Variants in SLC35F5 observed in about 807,000 individuals in gnomAD.
The protein encoded by SLC35F5 is solute carrier family 35 member F5, also known as HCV NS5A-transactivated protein 3.
In SLC35F5, 54 loss-of-function variants were observed where a neutral mutation model predicts 68.6. The ratio of observed to expected loss-of-function variants is 0.79; its 90% CI spans 0.63 to 0.99. The LOEUF (loss-of-function observed/expected upper bound fraction) is 0.99. Ranked by LOEUF, SLC35F5 falls within the 50% of genes least tolerant of loss-of-function variation. SLC35F5 has a pLI of 0.00. For missense variants in SLC35F5, 567 were observed against 626.9 expected, an observed-to-expected ratio of 0.90 and a Z score of 1.02; for synonymous variants, 211 against 205.2, an observed-to-expected ratio of 1.03 and a Z score of -0.24.
At chr2:113,756,321 G>A (rs1376202311) in intron 1 of SLC35F5, 49 bp downstream of exon 1, 1 of 1,554,106 alleles carries the variant, frequency 6.4e-7, no homozygotes, top group Non-Finnish European at 8.7e-7. Context: ...TGGGCACTCC[G>A]TCCCGGTTTG....
rs1468508125 is a variant in SLC35F5 at position 113,714,737 on chromosome 2, T to C, written c.*481A>G. The C allele has an allele frequency of 1.3e-5, 2 of 152,274 alleles. No homozygotes were observed. Among genetic ancestry groups the C allele is most frequent in the Admixed American group, 6.5e-5 (1 of 15,284 alleles). 9.4% of individuals were successfully genotyped at this position (152,274 alleles called of 1,614,324 possible). A position where few individuals can be genotyped will look rare whatever the true frequency, so the allele number is the denominator to read the frequency against. ...CATTTTTTGTGTGGTTAATTTGCAA[T>C]ATTCTACAAAACCCAAAAATATAAT... On this transcript the variant is annotated 3_prime_UTR_variant, in exon 16 of 16. Coordinates refer to ENST00000245680, the MANE Select transcript of SLC35F5 (RefSeq NM_025181.5).
At chr2:113,749,610 C>G (rs1167003040) in intron 4 of SLC35F5, among the ~76,000 whole-genome samples, 1 of 152,014 alleles carries the variant, frequency 6.6e-6, no homozygotes, top group Non-Finnish European at 1.5e-5. Flanking sequence ...TTAAGAGAGA[C>G]AGAAAATAAT....
intron 1 of SLC35F5, 197 bp from the exon 2 acceptor site, chr2:113,755,741 G>A (rs1165591636): frequency 4.6e-6 from 5 of 1,089,162 alleles, no homozygotes; most frequent in East Asian, 5.1e-5. Flanking sequence ...AGAGAGATAC[G>A]CGATACGGGG....
intron 14 of SLC35F5, among the ~76,000 whole-genome samples, chr2:113,718,895 AAGAAAG>A (rs1450014480): frequency 3.1e-5 from 2 of 63,720 alleles, no homozygotes; most frequent in Admixed American, 1.3e-4. Flanking sequence ...GAAAGAAAGA[AAGAAAG>A]AAAGAAAGAA....
chr2:113,727,607 C>T (rs538463263), intron 11 of SLC35F5, among the ~76,000 whole-genome samples: 5 of 152,184 alleles, frequency 3.3e-5, no homozygotes, highest in Non-Finnish European at 2.9e-5. Flanking sequence ...CCTTTCTGTT[C>T]TTCTTCCACA....
chr2:113,719,404 G>A, intron 13 of SLC35F5, 96 bp from the exon 14 acceptor site: 1 of 1,102,050 alleles, frequency 9.1e-7, no homozygotes, highest in Non-Finnish European at 1.2e-6. Flanking sequence ...AAACTAGCAG[G>A]AATAAGAACA....
rs1036606334 is a variant in SLC35F5 at position 113,710,082 on chromosome 2, C to T, written c.*5136G>A. Among the ~76,000 whole-genome samples the T allele has an allele frequency of 5.9e-5, 9 of 152,210 alleles. No homozygotes were observed. In the South Asian group the frequency reaches 1.9e-3, roughly 31 times the overall value. On this transcript the variant is annotated 3_prime_UTR_variant, in exon 16 of 16. Transcript: ENST00000245680. ...CCTCCTGCCTCAGTCTCCCAAAGCA[C>T]TGGAATTACAGGCATGAGCCTGTGT...
chr2:113,751,585 G>A (rs1676741833), intron 3 of SLC35F5, among the ~76,000 whole-genome samples: 1 of 151,960 alleles, frequency 6.6e-6, no homozygotes, highest in Non-Finnish European at 1.5e-5. Flanking sequence ...CGAGGCGGGT[G>A]GATCACTTGA....
At chr2:113,747,300 C>A (rs1360390121) in intron 4 of SLC35F5, among the ~76,000 whole-genome samples, 1 of 138,262 alleles carries the variant, frequency 7.2e-6, no homozygotes. Context: ...AAAAAAAAAA[C>A]CCTGAATGAA....
rs942211954 is a variant in SLC35F5 at position 113,734,765 on chromosome 2, T to C, written c.833-92A>G. The stretch of plus-strand genomic sequence containing the variant: ...CTTCATTGTTTAAATAAGCAAATTA[T>C]ATACCTACCTTTCAAATTATTTTTG... On this transcript the variant is annotated intron_variant, in intron 8 of 15. Coordinates refer to ENST00000245680, the MANE Select transcript of SLC35F5 (RefSeq NM_025181.5). The C allele has an allele frequency of 8.7e-6, 6 of 688,178 alleles. No individual in the cohort carries two copies. In the African/African-American group the frequency reaches 1.1e-4, roughly 12 times the overall value. 42.6% of individuals were successfully genotyped at this position (688,178 alleles called of 1,614,324 possible).
intron 5 of SLC35F5, 49 bp downstream of exon 5, chr2:113,746,228 C>T (rs1676476138): frequency 6.8e-7 from 1 of 1,465,484 alleles, no homozygotes; most frequent in Non-Finnish European, 9.5e-7. Context: ...TTTTTCCTAC[C>T]ATGGCTCAAC....
At chr2:113,718,807 AAGAAGAAAG>A (rs966903706) in intron 14 of SLC35F5, among the ~76,000 whole-genome samples, 1 of 151,866 alleles carries the variant, frequency 6.6e-6, no homozygotes, top group Non-Finnish European at 1.5e-5. Flanking sequence ...AAGAGAAAAA[AAGAAGAAAG>A]AGAAGAAAGA....
In SLC35F5 at chr2:113,756,627, G is replaced by C. The variant is rs544736688; in HGVS notation, c.-218C>G. On this transcript the variant is annotated 5_prime_UTR_variant, in exon 1 of 16. Transcript: ENST00000245680. Reference sequence around the variant, plus strand: ...GGACGGCACAGTCAGCTATGGCCGCGGAGGCCCGGAGATCTGCTCTGGCCC... The same window carrying C: ...GGACGGCACAGTCAGCTATGGCCGCCGAGGCCCGGAGATCTGCTCTGGCCC... 7.8e-5 allele frequency: 100 copies of C among 1,274,572 alleles called. No individual in the cohort carries two copies. The African/African-American group carries it at 1.0e-3, about 13-fold the overall frequency. The allele number at this position is 1,274,572 out of a possible 1,614,324, so 79.0% of individuals were successfully genotyped here. A position where few individuals can be genotyped will look rare whatever the true frequency, so the allele number is the denominator to read the frequency against.
rs146566193 is a variant in SLC35F5 at position 113,710,154 on chromosome 2, A to G, written c.*5064T>C. ...GTGTATTCAACAAGGCCTTCAGGTG[A>G]TGCTGATGCTGTCTGAAAGCCACTG... On this transcript the variant is annotated 3_prime_UTR_variant, in exon 16 of 16. Transcript: ENST00000245680. Among the ~76,000 whole-genome samples the G allele has an allele frequency of 6.6e-6, 1 of 152,296 alleles. No individual in the cohort carries two copies. The highest frequency in any genetic ancestry group is 1.5e-5 in the Non-Finnish European group (1 of 68,026).
chr2:113,723,094 G>A lies in SLC35F5; in HGVS notation c.1341+10C>T, dbSNP rs889423576. 2.0e-6 allele frequency: 3 copies of A among 1,520,400 alleles called. No homozygotes were observed. The highest frequency in any genetic ancestry group is 2.8e-5 in the African/African-American group (2 of 71,128). 94.2% of individuals were successfully genotyped at this position (1,520,400 alleles called of 1,614,324 possible). A position where few individuals can be genotyped will look rare whatever the true frequency, so the allele number is the denominator to read the frequency against. ...CTAAAATATCTATGAATAATAAATA[G>A]TTTCCTTACCTTTTGCATACACATG... On this transcript the variant is annotated intron_variant, in intron 13 of 15. Coordinates refer to ENST00000245680, the MANE Select transcript of SLC35F5 (RefSeq NM_025181.5).
chr2:113,716,147 A>G (rs2104964043), intron 15 of SLC35F5, among the ~76,000 whole-genome samples: 1 of 152,326 alleles, frequency 6.6e-6, no homozygotes, highest in South Asian at 2.1e-4. Flanking sequence ...ATGAGAAAAT[A>G]ACAGCCAACT....
At chr2:113,730,502 A>G (rs1021679720) in intron 10 of SLC35F5, among the ~76,000 whole-genome samples, 1 of 152,248 alleles carries the variant, frequency 6.6e-6, no homozygotes, top group African/African-American at 2.4e-5. Context: ...GGAGGTTCAA[A>G]GCACAGCTCA....
chr2:113,756,221 T>C (rs1286510086), intron 1 of SLC35F5, 149 bp downstream of exon 1: 4 of 1,514,746 alleles, frequency 2.6e-6, no homozygotes, highest in Non-Finnish European at 3.5e-6. Context: ...GGCGCCCCTG[T>C]CAGCTCCCGC....
intron 15 of SLC35F5, among the ~76,000 whole-genome samples, chr2:113,715,506 T>C (rs777589377): frequency 5.3e-5 from 8 of 152,134 alleles, no homozygotes; most frequent in Non-Finnish European, 1.2e-4. Flanking sequence ...TTGCAATCCA[T>C]CCTCCCTAGT....
Sources: allele counts gnomAD v4.1 joint callset (sites outside exome capture counted in the v4.1 genomes callset), GRCh38; gene constraint gnomAD v4.1.1; transcripts MANE v1.5; gene names NCBI Gene and HGNC (gene_info 2026-07-23, HGNC 2026-07-21).